R3HDML: variants seen among roughly 807,000 people sequenced by gnomAD.
R3HDML encodes R3H domain containing like, also known as peptidase inhibitor R3HDML.
In R3HDML, 21 loss-of-function variants were observed where a neutral mutation model predicts 24.2. The ratio of observed to expected loss-of-function variants is 0.87; its 90% CI spans 0.62 to 1.25. The LOEUF (loss-of-function observed/expected upper bound fraction) is 1.25, where lower values mean the gene tolerates loss of function less well. R3HDML is among the 50% of genes most tolerant of loss of function. The probability of loss-of-function intolerance (pLI) is 0.00; values close to 1 mark genes in which losing one functional copy is unlikely to be tolerated. For missense variants in R3HDML, 301 were observed against 340.3 expected (o/e 0.88, Z 0.91); for synonymous variants, 133 against 131.5 (o/e 1.01, Z -0.08).
chr20:44,345,478 GC>G, intron 4 of R3HDML, 100 bp downstream of exon 4: 1 of 802,032 alleles, frequency 1.2e-6, no homozygotes. Flanking sequence ...CATTCTAAGT[GC>G]CCTCAATACC....
At chr20:44,344,093 A>T (rs1474664612) in intron 3 of R3HDML, among the ~76,000 whole-genome samples, 3 of 152,178 alleles carry the variant, frequency 2.0e-5, no homozygotes, top group Non-Finnish European at 2.9e-5. Context: ...CATCCTGGCT[A>T]ACACGGTGAG....
chr20:44,344,440 C>A (rs1444868007), intron 3 of R3HDML, among the ~76,000 whole-genome samples: 1 of 151,656 alleles, frequency 6.6e-6, no homozygotes, highest in African/African-American at 2.4e-5. Context: ...ACCCACCTCT[C>A]TAAAAATAAT....
intron 3 of R3HDML, among the ~76,000 whole-genome samples, chr20:44,344,225 G>A (rs916870524): frequency 2.0e-5 from 3 of 151,854 alleles, no homozygotes; most frequent in Admixed American, 2.0e-4. Context: ...ATGTTGCAGT[G>A]AGCCGAGATT....
intron 2 of R3HDML, among the ~76,000 whole-genome samples, chr20:44,342,089 C>A (rs2062773814): frequency 6.6e-6 from 1 of 152,112 alleles, no homozygotes; most frequent in South Asian, 2.1e-4. Context: ...GTTTGTAAAA[C>A]AAAGTTGTTA....
chr20:44,339,590 TG>T, intron 1 of R3HDML, among the ~76,000 whole-genome samples: 1 of 151,018 alleles, frequency 6.6e-6, no homozygotes, highest in Non-Finnish European at 1.5e-5. Context: ...TGTGTGTGTG[TG>T]TGTGTGTGTG....
At chr20:44,348,499 CCTT>C (rs1568678481) in intron 4 of R3HDML, among the ~76,000 whole-genome samples, 1 of 120,104 alleles carries the variant, frequency 8.3e-6, no homozygotes, top group African/African-American at 2.8e-5. Context: ...CCTTTCCTTT[CCTT>C]TCCTTTCCTT....
chr20:44,350,056 C>T (rs1314163062), intron 4 of R3HDML, among the ~76,000 whole-genome samples: 1 of 151,948 alleles, frequency 6.6e-6, no homozygotes, highest in Non-Finnish European at 1.5e-5. Flanking sequence ...GGTGACAGAG[C>T]GAGACTCCCT....
intron 2 of R3HDML, among the ~76,000 whole-genome samples, chr20:44,341,650 T>G (rs1213948366): frequency 1.3e-5 from 2 of 152,118 alleles, no homozygotes; most frequent in South Asian, 2.1e-4. Flanking sequence ...TTTGGGAGGC[T>G]GAGGTGGGCA....
intron 3 of R3HDML, among the ~76,000 whole-genome samples, chr20:44,344,648 T>C (rs1000250547): frequency 6.6e-6 from 1 of 151,544 alleles, no homozygotes; most frequent in African/African-American, 2.4e-5. Flanking sequence ...CTAGGTATGC[T>C]GGTGGTTGCC....
chr20:44,337,442 A>AC lies in R3HDML; in HGVS notation c.261+30dup. The AC allele has an allele frequency of 2.7e-6, 4 of 1,490,786 alleles. No homozygotes were observed. Among genetic ancestry groups the AC allele is most frequent in the South Asian group, 1.2e-5 (1 of 86,690 alleles). The allele number at this position is 1,490,786 out of a possible 1,614,324, so 92.3% of individuals were successfully genotyped here. A position where few individuals can be genotyped will look rare whatever the true frequency, so the allele number is the denominator to read the frequency against. ...TGGTGAGTCCCCGTACCTGCCCCCC[A>AC]CCCCCCGCAGTGTCCCTTCCGGCAA... is the stretch of plus-strand genomic sequence containing the variant. On this transcript the variant is annotated intron_variant, in intron 1 of 4. Transcript: ENST00000217043. The surrounding 1 kb of genome is among the most constrained non-coding windows in gnomAD (Gnocchi z 4.7).
intron 1 of R3HDML, 22 bp from the exon 2 acceptor site, chr20:44,341,174 T>G: frequency 6.3e-7 from 1 of 1,588,212 alleles, no homozygotes; most frequent in Non-Finnish European, 8.6e-7. Flanking sequence ...CCTGGGGAAT[T>G]TCATTGCCTT....
chr20:44,345,167 C>A, intron 3 of R3HDML, 96 bp from the exon 4 acceptor site: 1 of 923,986 alleles, frequency 1.1e-6, no homozygotes, highest in Non-Finnish European at 1.8e-6. Context: ...ACTGTCTCTC[C>A]CAGGAAGACC....
At position 44,350,648 on chromosome 20, in the gene R3HDML, T is replaced by C. The variant is rs577888463; in HGVS notation, c.630-12T>C. ...ATGCTCCTCTGTCTCCCTGGGTCCT[T>C]TTCTCTTCCAGGGGCAACTGGATTG... On this transcript the variant is annotated splice_polypyrimidine_tract_variant and intron_variant, in intron 4 of 4. Coordinates refer to ENST00000217043, the MANE Select transcript of R3HDML (RefSeq NM_178491.4). The C allele has an allele frequency of 3.1e-5, 50 of 1,611,524 alleles. 1 individual carries two copies. In the South Asian group the frequency reaches 5.0e-4, roughly 16 times the overall value.
intron 3 of R3HDML, among the ~76,000 whole-genome samples, chr20:44,344,254 C>G (rs1361373207): frequency 3.3e-5 from 5 of 151,308 alleles, no homozygotes; most frequent in Non-Finnish European, 5.9e-5. Flanking sequence ...GCACTCCAGC[C>G]TGGGCAACAG....
At chr20:44,345,025 GTC>G (rs2062782513) in intron 3 of R3HDML, 2 of 536,988 alleles carry the variant, frequency 3.7e-6, no homozygotes. Context: ...GTATGTGTGT[GTC>G]TGTTTGTACA....
At chr20:44,349,010 G>T (rs2062799983) in intron 4 of R3HDML, among the ~76,000 whole-genome samples, 1 of 151,990 alleles carries the variant, frequency 6.6e-6, no homozygotes, top group Admixed American at 6.6e-5. Context: ...AATTAGTCGG[G>T]CATGGAGGTG....
In R3HDML at chr20:44,337,372, A is replaced by G; in HGVS notation, c.215A>G (p.His72Arg). The change falls in exon 1 of 5, where the codon CAC (histidine) becomes CGC (arginine). Residue 72 changes from histidine (H) to arginine (R), a missense_variant. Physicochemically the swap from His to Arg is conservative, Grantham distance 29. Coordinates refer to ENST00000217043, the MANE Select transcript of R3HDML (RefSeq NM_178491.4). The surrounding 1 kb of genome is among the most constrained non-coding windows in gnomAD (Gnocchi z 4.7). ...DMNALLDYHN[H>R]IRASVYPPAA... ...AATGCCTTACTGGATTATCACAACC[A>G]CATCCGGGCCAGTGTGTACCCACCT... The G allele has an allele frequency of 1.2e-6, 2 of 1,614,106 alleles. No homozygotes were observed. The highest frequency in any genetic ancestry group is 1.7e-6 in the Non-Finnish European group (2 of 1,180,008).
intron 4 of R3HDML, among the ~76,000 whole-genome samples, chr20:44,349,897 C>G (rs919801656): frequency 8.5e-5 from 13 of 152,138 alleles, no homozygotes; most frequent in Non-Finnish European, 1.0e-4. Context: ...TGGTGAAACC[C>G]TGTCTGTACT....
intron 1 of R3HDML, among the ~76,000 whole-genome samples, chr20:44,339,062 TAAAAA>T (rs750054379): frequency 9.0e-6 from 1 of 111,566 alleles, no homozygotes; most frequent in Non-Finnish European, 1.8e-5. Context: ...AAACTCTATC[TAAAAA>T]AAAAAAAAAA....
Sources: gnomAD v4.1 joint callset for allele counts (sites outside exome capture counted in the v4.1 genomes callset) on GRCh38, gnomAD v4.1.1 for gene constraint, Gnocchi (gnomAD v3.1) non-coding constraint, MANE v1.5 for transcripts, NCBI Gene and HGNC (gene_info 2026-07-23, HGNC 2026-07-21) for gene names.